COL15A1: variants seen among roughly 807,000 people sequenced by gnomAD.
The protein encoded by COL15A1 is collagen type XV alpha 1 chain.
COL15A1 carries 111 observed loss-of-function variants against 165.9 expected under a neutral mutation model. The observed-to-expected ratio is 0.67, with a 90% CI of 0.57 to 0.78. The LOEUF (loss-of-function observed/expected upper bound fraction) is 0.78. Among genes scored for constraint, COL15A1 ranks in the 30% least tolerant of loss-of-function variants. The probability of loss-of-function intolerance (pLI) is 0.00; values close to 1 mark genes in which losing one functional copy is unlikely to be tolerated. For missense variants in COL15A1, 1,745 were observed against 1,789.7 expected (o/e 0.98, Z 0.45); for synonymous variants, 659 against 674.8 (o/e 0.98, Z 0.36).
intron 22 of COL15A1, 140 bp downstream of exon 22, chr9:99,038,873 C>A: frequency 1.7e-6 from 1 of 590,780 alleles, no homozygotes; most frequent in Non-Finnish European, 3.1e-6. Context: ...GAAAGCTTTG[C>A]ATTTTTTGAA....
At chr9:98,982,137 GAGAT>G (rs1406753101) in intron 2 of COL15A1, among the ~76,000 whole-genome samples, 1 of 151,310 alleles carries the variant, frequency 6.6e-6, no homozygotes, top group Non-Finnish European at 1.5e-5. Context: ...TATATAGAGA[GAGAT>G]AGGGTATTTC....
chr9:99,043,357 G>A (rs1434012713), intron 24 of COL15A1, among the ~76,000 whole-genome samples: 1 of 152,042 alleles, frequency 6.6e-6, no homozygotes, highest in Non-Finnish European at 1.5e-5. Flanking sequence ...GGAGGCCCAG[G>A]GAAGCAAGAG....
intron 5 of COL15A1, among the ~76,000 whole-genome samples, chr9:98,990,999 G>A (rs570115920): frequency 3.3e-5 from 5 of 151,990 alleles, no homozygotes; most frequent in African/African-American, 4.8e-5. Context: ...GCAGACCTTC[G>A]CGGTGAGTGT....
At chr9:99,035,248 T>C (rs1361060750) in intron 18 of COL15A1, 94 bp downstream of exon 18, 2 of 1,591,496 alleles carry the variant, frequency 1.3e-6, no homozygotes, top group African/African-American at 2.7e-5. Flanking sequence ...GGGCAGAGGC[T>C]GTGCGGATTC....
intron 2 of COL15A1, among the ~76,000 whole-genome samples, chr9:98,954,213 AT>A (rs72064482): frequency 0.36 from 54,772 of 151,992 alleles, 10,219 homozygotes; most frequent in Admixed American, 0.46. Context: ...TAAGAGATTC[AT>A]TTTTTTCAAT....
At chr9:99,060,500 C>T (rs896899168) in intron 36 of COL15A1, among the ~76,000 whole-genome samples, 1 of 149,342 alleles carries the variant, frequency 6.7e-6, no homozygotes, top group East Asian at 2.0e-4. Context: ...AACTCATGGG[C>T]CACCAAGGTG....
intron 16 of COL15A1, among the ~76,000 whole-genome samples, chr9:99,029,923 C>T (rs985008171): frequency 7.3e-5 from 10 of 136,868 alleles, no homozygotes; most frequent in African/African-American, 2.7e-4. Context: ...AAAACTCCAT[C>T]TCAAAAAAAA....
chr9:99,053,308 T>C (rs1197188095), intron 31 of COL15A1, among the ~76,000 whole-genome samples: 3 of 152,246 alleles, frequency 2.0e-5, no homozygotes, highest in South Asian at 4.1e-4. Flanking sequence ...CTGTGGTTTT[T>C]CTGTCACTTC....
chr9:99,062,830 CA>C (rs1251516415), intron 38 of COL15A1, among the ~76,000 whole-genome samples: 2 of 152,110 alleles, frequency 1.3e-5, no homozygotes, highest in Admixed American at 6.5e-5. Context: ...TTCCTTGATT[CA>C]GTGCTCTTTT....
intron 11 of COL15A1, among the ~76,000 whole-genome samples, chr9:99,020,138 G>T (rs1278350610): frequency 2.0e-5 from 3 of 152,224 alleles, no homozygotes; most frequent in African/African-American, 7.2e-5. Flanking sequence ...AGGTGTGGGT[G>T]ACTCCAAATG....
intron 6 of COL15A1, among the ~76,000 whole-genome samples, chr9:99,000,439 AT>A (rs1005368787): frequency 3.3e-5 from 5 of 151,014 alleles, no homozygotes; most frequent in Non-Finnish European, 7.4e-5. Context: ...TTTTTTTTCT[AT>A]TTTACACACG....
intron 16 of COL15A1, among the ~76,000 whole-genome samples, chr9:99,030,790 C>T (rs1040158370): frequency 2.0e-5 from 3 of 152,202 alleles, no homozygotes; most frequent in Non-Finnish European, 4.4e-5. Flanking sequence ...TCACAACAAT[C>T]CTGATGGTAG....
chr9:98,957,312 G>A (rs1315083420), intron 2 of COL15A1, among the ~76,000 whole-genome samples: 1 of 152,216 alleles, frequency 6.6e-6, no homozygotes. Context: ...AAAAGGCAAG[G>A]AAACTGATTT....
At chr9:99,014,656 G>T (rs915884580) in intron 9 of COL15A1, among the ~76,000 whole-genome samples, 1 of 152,216 alleles carries the variant, frequency 6.6e-6, no homozygotes, top group Non-Finnish European at 1.5e-5. Context: ...GGAAAGTTAG[G>T]TAGTTTATTT....
intron 6 of COL15A1, 84 bp downstream of exon 6, chr9:98,997,165 C>T: frequency 6.6e-7 from 1 of 1,516,988 alleles, no homozygotes; most frequent in Non-Finnish European, 9.1e-7. Context: ...ATGTAACATA[C>T]AGAATCTCAT....
At chr9:98,966,602 A>G (rs1837961912) in intron 2 of COL15A1, among the ~76,000 whole-genome samples, 2 of 152,232 alleles carry the variant, frequency 1.3e-5, no homozygotes, top group African/African-American at 4.8e-5. Flanking sequence ...GAGGGGAGGA[A>G]GATGGAGGCA....
intron 16 of COL15A1, among the ~76,000 whole-genome samples, chr9:99,026,642 T>A (rs1839130689): frequency 6.6e-6 from 1 of 152,236 alleles, no homozygotes; most frequent in Non-Finnish European, 1.5e-5. Flanking sequence ...TCTTCCCTTC[T>A]GTCCTCCTGG....
chr9:99,044,670 C>A (rs2119084257), intron 25 of COL15A1, 34 bp downstream of exon 25: 1 of 1,611,816 alleles, frequency 6.2e-7, no homozygotes, highest in African/African-American at 1.3e-5. Flanking sequence ...AGGCACATAT[C>A]TGCCCCAGCT....
intron 7 of COL15A1, 23 bp downstream of exon 7, chr9:99,000,974 T>C: frequency 9.4e-7 from 1 of 1,061,160 alleles, no homozygotes; most frequent in Non-Finnish European, 1.5e-6. Context: ...TAAATTTCAT[T>C]TGATTAGTCA....
Sources: gnomAD v4.1 joint callset for allele counts (sites outside exome capture counted in the v4.1 genomes callset) on GRCh38, gnomAD v4.1.1 for gene constraint, MANE v1.5 for transcripts, NCBI Gene and HGNC (gene_info 2026-07-23, HGNC 2026-07-21) for gene names.